Variants in CADPS observed in about 807,000 individuals in gnomAD.
CADPS encodes calcium dependent secretion activator, also known as calcium-dependent secretion activator 1.
Under a neutral mutation model 167.3 loss-of-function variants are expected in CADPS, and 57 were observed. The ratio of observed to expected loss-of-function variants is 0.34; its 90% CI spans 0.28 to 0.42. The LOEUF (loss-of-function observed/expected upper bound fraction) is 0.42, where lower values mean the gene tolerates loss of function less well. CADPS is among the 20% of genes least tolerant of loss of function. The pLI is 1.00. For synonymous variants in CADPS, 676 were observed against 635.3 expected (o/e 1.06, Z -0.96); for missense variants, 1,414 against 1,738.1 (o/e 0.81, Z 3.32).
intron 1 of CADPS, among the ~76,000 whole-genome samples, chr3:62,773,137 T>C (rs146682427): frequency 0.023 from 3,438 of 152,188 alleles, 61 homozygotes; most frequent in South Asian, 0.06. Context: ...ATTTCTTTTT[T>C]TTGAAGACTT....
At chr3:62,644,115 C>T (rs2150033377) in intron 6 of CADPS, among the ~76,000 whole-genome samples, 1 of 152,308 alleles carries the variant, frequency 6.6e-6, no homozygotes, top group Middle Eastern at 3.4e-3. Flanking sequence ...CTGAGATTTT[C>T]TCTAGTCCAG....
chr3:62,562,647 A>G (rs964253887), intron 9 of CADPS, among the ~76,000 whole-genome samples: 3 of 152,136 alleles, frequency 2.0e-5, no homozygotes, highest in African/African-American at 7.2e-5. Flanking sequence ...CTGTGGGGGC[A>G]TTTCTTATGT....
Position 62,569,627 on chromosome 3 carries a change from T to C in CADPS, c.1644+1245A>G, listed in dbSNP as rs182027504. 1.5e-3 allele frequency among the ~76,000 whole-genome samples: 225 copies of C among 152,330 alleles called. 1 individual carries two copies. The highest frequency in any genetic ancestry group is 0.01 in the Middle Eastern group (3 of 294). ...AGTTGGTGAAACCCTCAAGGTCATT[T>C]AGACCTAAAAGGGAGTTGCTTTGTA... On this transcript the variant is annotated intron_variant, in intron 9 of 29. Transcript: ENST00000383710.
chr3:62,640,939 A>AC (rs1554026714), intron 6 of CADPS, among the ~76,000 whole-genome samples: 3 of 149,986 alleles, frequency 2.0e-5, no homozygotes, highest in Admixed American at 6.6e-5. Flanking sequence ...TCTTTACATC[A>AC]TTTTTTTTTC....
chr3:62,533,148 T>C (rs2074053856), intron 12 of CADPS, 90 bp from the exon 13 acceptor site: 2 of 1,098,680 alleles, frequency 1.8e-6, no homozygotes, highest in Non-Finnish European at 2.7e-6. Context: ...AGAAGGGGAC[T>C]GAAAAATAGC....
At chr3:62,805,888 CCA>C (rs1183899976) in intron 1 of CADPS, among the ~76,000 whole-genome samples, 1 of 152,158 alleles carries the variant, frequency 6.6e-6, no homozygotes, top group Non-Finnish European at 1.5e-5. Flanking sequence ...CTATCTAAAA[CCA>C]CAGTTCTTGT....
At chr3:62,738,691 AC>A (rs2079535157) in intron 3 of CADPS, among the ~76,000 whole-genome samples, 1 of 152,126 alleles carries the variant, frequency 6.6e-6, no homozygotes, top group African/African-American at 2.4e-5. Flanking sequence ...GTAGCATTGC[AC>A]TCTAGCCTGG....
At chr3:62,688,837 TGGGTGGCAGAAG>T (rs2078568980) in intron 3 of CADPS, among the ~76,000 whole-genome samples, 1 of 152,008 alleles carries the variant, frequency 6.6e-6, no homozygotes, top group South Asian at 2.1e-4. Context: ...TCAGAGTGTC[TGGGTGGCAGAAG>T]GGATTCAGAA....
At chr3:62,722,263 G>A (rs528669734) in intron 3 of CADPS, among the ~76,000 whole-genome samples, 12 of 152,312 alleles carry the variant, frequency 7.9e-5, no homozygotes, top group Non-Finnish European at 1.3e-4. Flanking sequence ...TGTGGAAGAC[G>A]GCCATGCCGA....
At chr3:62,567,619 G>A (rs963155320) in intron 9 of CADPS, among the ~76,000 whole-genome samples, 1 of 130,342 alleles carries the variant, frequency 7.7e-6, no homozygotes, top group Non-Finnish European at 1.6e-5. Context: ...CTGTCTCCCA[G>A]GCTGGAATGC....
chr3:62,483,459 CAG>C (rs2062326644), intron 21 of CADPS, among the ~76,000 whole-genome samples: 1 of 152,086 alleles, frequency 6.6e-6, no homozygotes, highest in South Asian at 2.1e-4. Context: ...CCTCTAGAAA[CAG>C]ATTATTCTTT....
chr3:62,857,800 T>G lies in CADPS; in HGVS notation c.441+16789A>C, dbSNP rs544789058. On this transcript the variant is annotated intron_variant, in intron 1 of 29. Coordinates refer to ENST00000383710, the MANE Select transcript of CADPS (RefSeq NM_003716.4). The stretch of plus-strand genomic sequence containing the variant: ...ATATACTTTTCTATAAAAATGTTTA[T>G]TTTTGTTTATAGAAACTGTAAAATT... 9.9e-5 allele frequency among the ~76,000 whole-genome samples: 15 copies of G among 152,192 alleles called. No homozygotes were observed. In the South Asian group the frequency reaches 3.1e-3, roughly 32 times the overall value.
At chr3:62,613,617 A>C (rs1173628470) in intron 6 of CADPS, among the ~76,000 whole-genome samples, 2 of 152,214 alleles carry the variant, frequency 1.3e-5, no homozygotes, top group Non-Finnish European at 2.9e-5. Context: ...TTGGTGGAGG[A>C]TACCTTGACA....
chr3:62,642,345 C>T (rs1405668359), intron 6 of CADPS, among the ~76,000 whole-genome samples: 1 of 152,090 alleles, frequency 6.6e-6, no homozygotes, highest in African/African-American at 2.4e-5. Flanking sequence ...AGGAAAAGGG[C>T]TAAGCTTGTC....
rs1553902446 is a variant in CADPS at position 62,544,448 on chromosome 3, A to ACAG, written c.1966+5452_1966+5454dup. 6.6e-6 allele frequency among the ~76,000 whole-genome samples: 1 copy of ACAG among 152,106 alleles called. No individual in the cohort carries two copies. Among genetic ancestry groups the ACAG allele is most frequent in the Non-Finnish European group, 1.5e-5 (1 of 68,010 alleles). On this transcript the variant is annotated intron_variant, in intron 11 of 29. Coordinates refer to ENST00000383710, the MANE Select transcript of CADPS (RefSeq NM_003716.4). The surrounding 1 kb of genome is among the most constrained non-coding windows in gnomAD (Gnocchi z 4.4). ...AAAAACAACAACAACAACAACAACA[A>ACAG]CAGCACATTATCAGAGTGCAAAATG...
chr3:62,862,297 A>G (rs2080955199), intron 1 of CADPS, among the ~76,000 whole-genome samples: 2 of 150,028 alleles, frequency 1.3e-5, no homozygotes, highest in South Asian at 2.1e-4. Context: ...GCTCACTGCA[A>G]CCTCCGCCTC....
intron 28 of CADPS, among the ~76,000 whole-genome samples, chr3:62,407,643 C>A (rs1293463319): frequency 6.6e-6 from 1 of 152,198 alleles, no homozygotes; most frequent in Non-Finnish European, 1.5e-5. Flanking sequence ...TGTGGAGGGC[C>A]TAGCAGAGTG....
intron 3 of CADPS, among the ~76,000 whole-genome samples, chr3:62,747,813 G>A (rs188366011): frequency 3.0e-3 from 458 of 152,256 alleles, no homozygotes; most frequent in Non-Finnish European, 4.8e-3. Context: ...CCTGCTGCCA[G>A]TTGGGCACAT....
Position 62,514,863 on chromosome 3 carries a change from A to G in CADPS, c.2581+1196T>C, listed in dbSNP as rs1404077837. On this transcript the variant is annotated intron_variant, in intron 16 of 29. Coordinates refer to ENST00000383710, the MANE Select transcript of CADPS (RefSeq NM_003716.4). The surrounding 1 kb of genome is among the most constrained non-coding windows in gnomAD (Gnocchi z 4.2). ...CAATTATTTGCTAATATAGCCCTTT[A>G]ACGACCTCTTGTTCCTCTATTTTTG... 1.3e-5 allele frequency among the ~76,000 whole-genome samples: 2 copies of G among 152,112 alleles called. No homozygotes were observed. Among genetic ancestry groups the G allele is most frequent in the Non-Finnish European group, 2.9e-5 (2 of 68,010 alleles).
Sources: allele counts gnomAD v4.1 joint callset (sites outside exome capture counted in the v4.1 genomes callset), GRCh38; gene constraint gnomAD v4.1.1; non-coding constraint Gnocchi (gnomAD v3.1); transcripts MANE v1.5; gene names NCBI Gene and HGNC (gene_info 2026-07-23, HGNC 2026-07-21).